Variants in CSMD3 observed in about 807,000 individuals in gnomAD.
CSMD3 encodes CUB and sushi domain-containing protein 3.
CSMD3 carries 177 observed loss-of-function variants against 435.2 expected under a neutral mutation model. The observed-to-expected ratio is 0.41, with a 90% confidence interval of 0.36 to 0.46. CSMD3 has a LOEUF of 0.46. Among genes scored for constraint, CSMD3 ranks in the 20% least tolerant of loss-of-function variants. The pLI, the probability that CSMD3 is intolerant of heterozygous loss-of-function variation, is 0.34. For synonymous variants in CSMD3, 1,656 were observed against 1,520.5 expected (o/e 1.09, Z -2.07); for missense variants, 4,265 against 4,504.6 (o/e 0.95, Z 1.52).
chr8:112,297,184 A>G (rs1467309304), intron 53 of CSMD3, among the ~76,000 whole-genome samples: 1 of 151,050 alleles, frequency 6.6e-6, no homozygotes, highest in East Asian at 1.9e-4. Context: ...TTTAGAAAAT[A>G]GAAAAGAAAA....
intron 5 of CSMD3, among the ~76,000 whole-genome samples, chr8:113,084,766 C>A (rs922139133): frequency 6.6e-6 from 1 of 151,728 alleles, no homozygotes; most frequent in Non-Finnish European, 1.5e-5. Context: ...AAAGCAGATA[C>A]GTAGATCAAT....
intron 13 of CSMD3, among the ~76,000 whole-genome samples, chr8:112,742,627 G>A (rs1191833098): frequency 6.6e-6 from 1 of 151,838 alleles, no homozygotes; most frequent in Non-Finnish European, 1.5e-5. Context: ...TATAAAGACA[G>A]TTGTGTGATT....
chr8:112,995,618 T>C (rs534474358), intron 6 of CSMD3, among the ~76,000 whole-genome samples: 2 of 151,580 alleles, frequency 1.3e-5, no homozygotes, highest in South Asian at 2.1e-4. Context: ...TAAATAATTA[T>C]GGTTCCTTAA....
intron 13 of CSMD3, among the ~76,000 whole-genome samples, chr8:112,696,625 G>A (rs973242710): frequency 1.3e-5 from 2 of 152,114 alleles, no homozygotes; most frequent in African/African-American, 2.4e-5. Flanking sequence ...AAAAACCCAA[G>A]AAGAAAACCT....
At chr8:113,064,356 T>A (rs911897130) in intron 5 of CSMD3, among the ~76,000 whole-genome samples, 1 of 152,148 alleles carries the variant, frequency 6.6e-6, no homozygotes, top group African/African-American at 2.4e-5. Context: ...TTAAAATATA[T>A]AGAGAGAGAT....
chr8:113,378,428 T>C (rs1447500718), intron 1 of CSMD3, among the ~76,000 whole-genome samples: 2 of 152,130 alleles, frequency 1.3e-5, no homozygotes, highest in Non-Finnish European at 2.9e-5. Context: ...ATTATATAAG[T>C]AAACATTTTA....
intron 1 of CSMD3, among the ~76,000 whole-genome samples, chr8:113,392,399 C>T (rs1252477753): frequency 6.6e-6 from 1 of 152,056 alleles, no homozygotes; most frequent in African/African-American, 2.4e-5. Context: ...GATTCAGACA[C>T]AATTTAGCCT....
At chr8:112,593,436 A>G (rs1831373171) in intron 22 of CSMD3, among the ~76,000 whole-genome samples, 1 of 152,202 alleles carries the variant, frequency 6.6e-6, no homozygotes, top group African/African-American at 2.4e-5. Flanking sequence ...AAAGAGAGGA[A>G]AAGGTAGAGA....
At position 113,073,964 on chromosome 8, in the gene CSMD3, G is replaced by C. The variant is rs573120868; in HGVS notation, c.917+24792C>G. ...TCCTATACTGATCCAAGTATATTGC[G>C]TACATGTCTCTCTGAATCTCTCATG... On this transcript the variant is annotated intron_variant, in intron 5 of 70. Coordinates refer to ENST00000297405, the MANE Select transcript of CSMD3 (RefSeq NM_198123.2). 6.0e-4 allele frequency among the ~76,000 whole-genome samples: 91 copies of C among 151,634 alleles called. 1 individual carries two copies. In the South Asian group the frequency reaches 0.019, roughly 31 times the overall value.
chr8:113,170,966 T>A (rs2092257345), intron 4 of CSMD3, among the ~76,000 whole-genome samples: 1 of 151,124 alleles, frequency 6.6e-6, no homozygotes, highest in African/African-American at 2.4e-5. Context: ...AAGTAAATAC[T>A]CTGGTAGCAG....
chr8:112,808,166 A>C (rs1005061822), intron 12 of CSMD3, among the ~76,000 whole-genome samples: 2 of 152,158 alleles, frequency 1.3e-5, no homozygotes, highest in Admixed American at 1.3e-4. Context: ...ATTTCATAGA[A>C]TTAATGTCTA....
intron 3 of CSMD3, among the ~76,000 whole-genome samples, chr8:113,243,964 T>C (rs1419300002): frequency 6.6e-6 from 1 of 152,204 alleles, no homozygotes; most frequent in Admixed American, 6.5e-5. Flanking sequence ...TGTAATTTTA[T>C]TTTTCGGTTG....
intron 1 of CSMD3, among the ~76,000 whole-genome samples, chr8:113,384,752 A>G (rs1488689266): frequency 6.6e-6 from 1 of 152,182 alleles, no homozygotes; most frequent in Non-Finnish European, 1.5e-5. Flanking sequence ...GCAAGAATAC[A>G]GGAACACAGG....
chr8:112,741,579 C>A (rs2077305930), intron 13 of CSMD3, among the ~76,000 whole-genome samples: 1 of 151,874 alleles, frequency 6.6e-6, no homozygotes, highest in Non-Finnish European at 1.5e-5. Context: ...ATACTATCAC[C>A]TCAGAGGTTA....
chr8:112,531,979 A>G (rs1343210541), intron 27 of CSMD3, among the ~76,000 whole-genome samples: 1 of 151,962 alleles, frequency 6.6e-6, no homozygotes, highest in Non-Finnish European at 1.5e-5. Context: ...CAAGAAACTC[A>G]GATAATCAGT....
intron 45 of CSMD3, among the ~76,000 whole-genome samples, chr8:112,325,806 G>C (rs2130898579): frequency 6.6e-6 from 1 of 152,038 alleles, no homozygotes; most frequent in Non-Finnish European, 1.5e-5. Context: ...GGCAAAACTT[G>C]GGCAAGTTAT....
intron 6 of CSMD3, among the ~76,000 whole-genome samples, chr8:112,978,769 T>C (rs1244973886): frequency 6.6e-6 from 1 of 151,948 alleles, no homozygotes; most frequent in Admixed American, 6.6e-5. Context: ...TTCCACACCA[T>C]ACTGGGAAGC....
At chr8:112,293,023 G>A (rs73326609) in intron 54 of CSMD3, among the ~76,000 whole-genome samples, 6,557 of 152,068 alleles carry the variant, frequency 0.043, 238 homozygotes, top group East Asian at 0.14. Flanking sequence ...TATTGGGGAG[G>A]CAAAGAGCAG....
chr8:113,065,832 A>G (rs1410699679), intron 5 of CSMD3, among the ~76,000 whole-genome samples: 18 of 152,178 alleles, frequency 1.2e-4, no homozygotes, highest in Admixed American at 1.1e-3. Flanking sequence ...CTTCAAGTCA[A>G]TAGTTTTTAT....
Sources: allele counts gnomAD v4.1 joint callset (sites outside exome capture counted in the v4.1 genomes callset), GRCh38; gene constraint gnomAD v4.1.1; transcripts MANE v1.5; gene names NCBI Gene and HGNC (gene_info 2026-07-23, HGNC 2026-07-21).